SUGCT: variants seen among roughly 807,000 people sequenced by gnomAD.
The protein encoded by SUGCT is succinyl-CoA:glutarate CoA-transferase.
In SUGCT, 41 loss-of-function variants were observed where a neutral mutation model predicts 55.0. The ratio of observed to expected loss-of-function variants is 0.74; its 90% confidence interval spans 0.58 to 0.97. The LOEUF (loss-of-function observed/expected upper bound fraction) is 0.97. Among genes scored for constraint, SUGCT ranks in the 50% least tolerant of loss-of-function variants. The pLI is 0.00. For synonymous variants in SUGCT, 187 were observed against 200.4 expected, an observed-to-expected ratio of 0.93 and a Z score of 0.56; for missense variants, 568 against 547.8, an observed-to-expected ratio of 1.04 and a Z score of -0.37.
intron 13 of SUGCT, among the ~76,000 whole-genome samples, chr7:40,836,788 C>G (rs955070153): frequency 6.6e-6 from 1 of 152,164 alleles, no homozygotes; most frequent in Non-Finnish European, 1.5e-5. Flanking sequence ...GTCAATAGTT[C>G]ATTCCTTTCA....
At chr7:40,983,139 T>C in the SUGCT span, among the ~76,000 whole-genome samples, 1 of 152,224 alleles carries the variant, frequency 6.6e-6, no homozygotes, top group Non-Finnish European at 1.5e-5. Context: ...TTGCCCCATT[T>C]GAGTTTTTGT....
At chr7:40,199,684 C>T (rs1786484173) in intron 6 of SUGCT, among the ~76,000 whole-genome samples, 1 of 151,878 alleles carries the variant, frequency 6.6e-6, no homozygotes, top group South Asian at 2.1e-4. Flanking sequence ...TTCTCCTGTT[C>T]TTGTTAATTT....
chr7:40,395,478 A>C (rs1192552085), intron 9 of SUGCT, among the ~76,000 whole-genome samples: 1 of 145,644 alleles, frequency 6.9e-6, no homozygotes, highest in Non-Finnish European at 1.5e-5. Context: ...TACAAGAGAG[A>C]AACTCTGTCT....
chr7:40,656,493 T>C lies in SUGCT; in HGVS notation c.1090-92941T>C, dbSNP rs1272088383. Among the ~76,000 whole-genome samples, 4 of 152,208 alleles carry C rather than the reference T, an allele frequency of 2.6e-5. No individual in the cohort carries two copies. In the East Asian group the frequency reaches 7.7e-4, roughly 29 times the overall value. ...TTCTTTCTTGTTTTAAAAAGTGTAA[T>C]TAAACCAACTGTCCTAAGAAAACTC... is the stretch of plus-strand genomic sequence containing the variant. On this transcript the variant is annotated intron_variant, in intron 12 of 13. Transcript: ENST00000335693.
rs141898081 is a variant in SUGCT, at chr7:40,828,349, G to T, written c.1154-31967G>T. ...GGCACATGGTCTTTCTTGTCCTGAG[G>T]GTCTGTGAAGCTAGCATTTAATATT... On this transcript the variant is annotated intron_variant, in intron 13 of 13. Transcript: ENST00000335693. 1.7e-3 allele frequency among the ~76,000 whole-genome samples: 263 copies of T among 152,112 alleles called. 2 individuals are homozygous for T. The highest frequency in any genetic ancestry group is 6.2e-3 in the African/African-American group (256 of 41,478).
chr7:40,865,347 C>T (rs569095304), downstream of SUGCT, among the ~76,000 whole-genome samples: 20 of 152,290 alleles, frequency 1.3e-4, no homozygotes, highest in Non-Finnish European at 2.8e-4. Flanking sequence ...TTCACCCCCA[C>T]AAGCAGTCTT....
At chr7:40,822,059 T>C (rs1332757218) in intron 13 of SUGCT, among the ~76,000 whole-genome samples, 1 of 152,214 alleles carries the variant, frequency 6.6e-6, no homozygotes, top group Admixed American at 6.5e-5. Context: ...TCAGTTTCCA[T>C]GTAGTTGAGC....
At chr7:40,491,850 C>T (rs1380783641) in intron 11 of SUGCT, among the ~76,000 whole-genome samples, 2 of 151,988 alleles carry the variant, frequency 1.3e-5, no homozygotes, top group South Asian at 2.1e-4. Context: ...ATTAGCCAGG[C>T]GTGGTGGTGG....
intron 12 of SUGCT, among the ~76,000 whole-genome samples, chr7:40,526,779 C>T (rs1288945291): frequency 1.3e-5 from 2 of 152,202 alleles, no homozygotes; most frequent in African/African-American, 4.8e-5. Flanking sequence ...CATTATTCTA[C>T]TTTCTTCGAA....
intron 9 of SUGCT, among the ~76,000 whole-genome samples, chr7:40,366,494 A>G (rs1298762922): frequency 6.6e-6 from 1 of 152,220 alleles, no homozygotes; most frequent in Non-Finnish European, 1.5e-5. Context: ...AAAATGGGAG[A>G]AAATTTTCTC....
At chr7:40,386,565 T>A (rs1785138911) in intron 9 of SUGCT, among the ~76,000 whole-genome samples, 1 of 152,218 alleles carries the variant, frequency 6.6e-6, no homozygotes, top group Non-Finnish European at 1.5e-5. Flanking sequence ...GTGGGAATGT[T>A]CTATACGTTG....
At chr7:40,589,592 T>C (rs1475573241) in intron 12 of SUGCT, among the ~76,000 whole-genome samples, 1 of 152,216 alleles carries the variant, frequency 6.6e-6, no homozygotes, top group African/African-American at 2.4e-5. Context: ...CCTCCCAATG[T>C]TGTTGCATTG....
intron 12 of SUGCT, among the ~76,000 whole-genome samples, chr7:40,711,200 C>G (rs1785698633): frequency 6.6e-6 from 1 of 152,208 alleles, no homozygotes; most frequent in African/African-American, 2.4e-5. Context: ...CAACTCCGAC[C>G]CAGCCCCTGG....
chr7:40,624,623 C>A (rs1799428092), intron 12 of SUGCT, among the ~76,000 whole-genome samples: 3 of 152,054 alleles, frequency 2.0e-5, no homozygotes, highest in Admixed American at 2.0e-4. Flanking sequence ...CAGCCAAATG[C>A]ACCTCTATAT....
At chr7:40,783,512 T>C (rs979980908) in intron 13 of SUGCT, 15 of 152,118 alleles carry the variant, frequency 9.9e-5, no homozygotes, top group African/African-American at 3.6e-4. Context: ...TCCTGTTTAT[T>C]TTAGAGCACT....
At chr7:40,379,330 A>T (rs1784757247) in intron 9 of SUGCT, among the ~76,000 whole-genome samples, 1 of 152,204 alleles carries the variant, frequency 6.6e-6, no homozygotes, top group Admixed American at 6.5e-5. Flanking sequence ...AATGCAGTCT[A>T]GTCTAGTCTT....
chr7:40,299,523 G>T (rs894320915), intron 8 of SUGCT, among the ~76,000 whole-genome samples: 4 of 152,074 alleles, frequency 2.6e-5, no homozygotes, highest in African/African-American at 9.7e-5. Context: ...CTAATAATTG[G>T]CTCAATGAGC....
At chr7:40,460,935 A>T (rs888093348) in intron 11 of SUGCT, among the ~76,000 whole-genome samples, 1 of 152,192 alleles carries the variant, frequency 6.6e-6, no homozygotes, top group South Asian at 2.1e-4. Context: ...AGGAAATTTC[A>T]TAAGGAGGTC....
chr7:40,695,661 C>A (rs1331432560), intron 12 of SUGCT, among the ~76,000 whole-genome samples: 1 of 152,066 alleles, frequency 6.6e-6, no homozygotes, highest in Non-Finnish European at 1.5e-5. Flanking sequence ...GGCTTTTTTT[C>A]AGACAGGTAC....
Sources: allele counts gnomAD v4.1 joint callset (sites outside exome capture counted in the v4.1 genomes callset), GRCh38; gene constraint gnomAD v4.1.1; transcripts MANE v1.5; gene names NCBI Gene and HGNC (gene_info 2026-07-23, HGNC 2026-07-21).